Variants in L3MBTL4 observed in about 807,000 individuals in gnomAD.
The protein encoded by L3MBTL4 is lethal(3)malignant brain tumor-like protein 4.
Under a neutral mutation model 84.5 loss-of-function variants are expected in L3MBTL4, and 70 were observed. The observed-to-expected ratio is 0.83, with a 90% confidence interval of 0.68 to 1.01. L3MBTL4 has a LOEUF of 1.01. Ranked by LOEUF, L3MBTL4 falls within the 50% of genes least tolerant of loss-of-function variation. The pLI is 0.00. For synonymous variants in L3MBTL4, 274 were observed against 259.8 expected, an observed-to-expected ratio of 1.05 and a Z score of -0.52; for missense variants, 715 against 754.8, an observed-to-expected ratio of 0.95 and a Z score of 0.62.
intron 1 of L3MBTL4, among the ~76,000 whole-genome samples, chr18:6,391,752 A>AACAACTACT (rs1555755552): frequency 9.3e-5 from 14 of 150,114 alleles, no homozygotes; most frequent in African/African-American, 3.2e-4. Context: ...CAACAACAAC[A>AACAACTACT]ACTACTACTA....
At chr18:6,304,740 A>G (rs893952640) in intron 3 of L3MBTL4, among the ~76,000 whole-genome samples, 2 of 152,204 alleles carry the variant, frequency 1.3e-5, no homozygotes, top group African/African-American at 4.8e-5. Context: ...ACCCCTGTTC[A>G]TTCACTCAAT....
intron 15 of L3MBTL4, among the ~76,000 whole-genome samples, chr18:6,091,939 TTC>T (rs752824612): frequency 1.3e-5 from 2 of 152,108 alleles, no homozygotes; most frequent in Non-Finnish European, 2.9e-5. Context: ...AAAGAAAAAA[TTC>T]TCTCTCAATT....
chr18:6,383,824 C>T (rs2054702004), intron 1 of L3MBTL4, among the ~76,000 whole-genome samples: 1 of 152,166 alleles, frequency 6.6e-6, no homozygotes, highest in East Asian at 1.9e-4. Flanking sequence ...GTTTCTTGTA[C>T]AATCTGCATG....
intron 5 of L3MBTL4, 84 bp downstream of exon 5, chr18:6,263,863 G>A: frequency 2.2e-6 from 2 of 894,392 alleles, no homozygotes; most frequent in South Asian, 2.7e-5. Context: ...TAAGTTGATG[G>A]GCTATCTAGG....
chr18:5,978,088 T>G (rs932539479), intron 16 of L3MBTL4, among the ~76,000 whole-genome samples: 2 of 152,196 alleles, frequency 1.3e-5, no homozygotes, highest in Non-Finnish European at 2.9e-5. Context: ...TCAGAGGAAT[T>G]GTACTGCAGG....
intron 16 of L3MBTL4, among the ~76,000 whole-genome samples, chr18:6,047,904 G>C (rs367865399): frequency 5.9e-5 from 9 of 152,314 alleles, no homozygotes; most frequent in Admixed American, 2.6e-4. Flanking sequence ...GTCCTAGCCA[G>C]AGCAATCAGG....
chr18:6,045,501 C>T (rs140140303), intron 16 of L3MBTL4, among the ~76,000 whole-genome samples: 89 of 152,238 alleles, frequency 5.8e-4, no homozygotes, highest in African/African-American at 2.0e-3. Context: ...CTCATAATTA[C>T]GGTGGAAGGC....
intron 10 of L3MBTL4, among the ~76,000 whole-genome samples, chr18:6,237,190 T>C (rs2047249463): frequency 1.3e-5 from 2 of 152,102 alleles, no homozygotes; most frequent in Non-Finnish European, 2.9e-5. Context: ...AGATGTTAAT[T>C]TGGTTTGGGG....
chr18:6,029,450 T>C (rs2055670540), intron 16 of L3MBTL4: 1 of 968,318 alleles, frequency 1.0e-6, no homozygotes, highest in South Asian at 4.8e-5. Flanking sequence ...AATTACAAAT[T>C]AGAAGAGATT....
chr18:6,056,998 G>A (rs2057048675), intron 16 of L3MBTL4, among the ~76,000 whole-genome samples: 1 of 151,820 alleles, frequency 6.6e-6, no homozygotes, highest in African/African-American at 2.4e-5. Context: ...GTTATTTGAT[G>A]CCACTGCTAA....
intron 14 of L3MBTL4, among the ~76,000 whole-genome samples, chr18:6,126,536 A>T (rs2059700676): frequency 2.0e-5 from 3 of 152,188 alleles, no homozygotes; most frequent in Admixed American, 2.0e-4. Context: ...ACTTAATAAA[A>T]TCCTTAGAAT....
intron 12 of L3MBTL4, among the ~76,000 whole-genome samples, chr18:6,179,554 C>T (rs1005016654): frequency 6.6e-6 from 1 of 152,214 alleles, no homozygotes; most frequent in Non-Finnish European, 1.5e-5. Flanking sequence ...GGCAAGAATG[C>T]TTGCACCGTG....
chr18:6,367,382 G>C (rs1234329989), intron 1 of L3MBTL4: 2 of 152,176 alleles, frequency 1.3e-5, no homozygotes, highest in Non-Finnish European at 2.9e-5. Flanking sequence ...GTCCTTCCTA[G>C]AAAATGAGTG....
At chr18:6,204,231 T>C (rs1384603694) in intron 12 of L3MBTL4, among the ~76,000 whole-genome samples, 3 of 152,236 alleles carry the variant, frequency 2.0e-5, no homozygotes, top group Admixed American at 1.3e-4. Flanking sequence ...ATTGTTTCCA[T>C]GGCCTAGCAC....
Position 6,278,580 on chromosome 18 carries a change from G to A in L3MBTL4, c.128-14542C>T, listed in dbSNP as rs562005703. Among the ~76,000 whole-genome samples, 10 of 151,770 alleles carry A rather than the reference G, an allele frequency of 6.6e-5. No individual in the cohort carries two copies. The East Asian group carries it at 1.9e-3, about 29-fold the overall frequency. On this transcript the variant is annotated intron_variant, in intron 4 of 18. Transcript: ENST00000317931. ...TTTTGCTTTTTGTACTATCTTCCTC[G>A]GGTTTCATTTCTTGGCTTTACAAAG...
chr18:5,994,148 A>C (rs2053835338), intron 16 of L3MBTL4, among the ~76,000 whole-genome samples: 1 of 152,148 alleles, frequency 6.6e-6, no homozygotes. Context: ...ACTTCCTCTG[A>C]AGCCCTCCTC....
In L3MBTL4 at chr18:5,994,062, C is replaced by A. The variant is rs535785792; in HGVS notation, c.1445-24500G>T. ...AACCCGGCTTTTGTGGTTCATGCCCCTTTCTCTTCCAGGAACATAATCTGC... is the reference window on the plus strand; with the variant it reads ...AACCCGGCTTTTGTGGTTCATGCCCATTTCTCTTCCAGGAACATAATCTGC... On this transcript the variant is annotated intron_variant, in intron 16 of 18. Transcript: ENST00000317931. Among the ~76,000 whole-genome samples, 36 of 152,324 alleles carry A rather than the reference C, an allele frequency of 2.4e-4. 1 individual carries two copies. In the East Asian group the frequency reaches 7.0e-3, roughly 29 times the overall value.
chr18:6,175,532 T>C (rs1308763853), intron 12 of L3MBTL4, among the ~76,000 whole-genome samples: 4 of 152,212 alleles, frequency 2.6e-5, no homozygotes, highest in Admixed American at 1.3e-4. Context: ...TATGCAAGGC[T>C]AGTTCCGTGT....
chr18:6,216,549 C>A (rs933375763), intron 10 of L3MBTL4, among the ~76,000 whole-genome samples: 14 of 151,918 alleles, frequency 9.2e-5, no homozygotes, highest in African/African-American at 3.4e-4. Context: ...ACTCTTATTA[C>A]TTCCTCCCTC....
Sources: allele counts gnomAD v4.1 joint callset (sites outside exome capture counted in the v4.1 genomes callset), GRCh38; gene constraint gnomAD v4.1.1; transcripts MANE v1.5; gene names NCBI Gene and HGNC (gene_info 2026-07-23, HGNC 2026-07-21).